TMBIM4: variants seen among roughly 807,000 people sequenced by gnomAD.
TMBIM4 encodes transmembrane BAX inhibitor motif containing 4.
In TMBIM4, 28 loss-of-function variants were observed where a neutral mutation model predicts 27.7. That is an observed-to-expected ratio of 1.01 (90% CI 0.75 to 1.38). TMBIM4 has a LOEUF of 1.38. Among genes scored for constraint, TMBIM4 ranks in the 40% most tolerant of loss-of-function variants. The pLI is 0.00. For synonymous variants in TMBIM4, 115 were observed against 113.1 expected (o/e 1.02, Z -0.11); for missense variants, 265 against 277.5 (o/e 0.95, Z 0.32).
rs2052209918 is a variant in TMBIM4 at position 66,169,963 on chromosome 12, C to T, written c.-12G>A. ...TCGGGGTCAGCCATGATGGCAACAG[C>T]ACCCCTACCGGTCCCGGTCCACTAA... On this transcript the variant is annotated 5_prime_UTR_variant, in exon 1 of 7. Coordinates refer to ENST00000358230, the MANE Select transcript of TMBIM4 (RefSeq NM_016056.4). 1.4e-6 allele frequency: 2 copies of T among 1,480,500 alleles called. No homozygotes were observed. The highest frequency in any genetic ancestry group is 1.5e-5 in the African/African-American group (1 of 67,922). The allele number at this position is 1,480,500 out of a possible 1,614,324, so 91.7% of individuals were successfully genotyped here.
intron 5 of TMBIM4, among the ~76,000 whole-genome samples, chr12:66,139,306 A>G (rs1184556): frequency 0.51 from 78,103 of 152,048 alleles, 21,501 homozygotes; most frequent in East Asian, 0.85. Context: ...TAAATTATAT[A>G]AGAAAGGACA....
chr12:66,158,134 G>C (rs946435286), intron 1 of TMBIM4, among the ~76,000 whole-genome samples: 14 of 150,670 alleles, frequency 9.3e-5, no homozygotes, highest in African/African-American at 3.4e-4. Flanking sequence ...GCTGAGGCAG[G>C]AGAATGGCAT....
intron 3 of TMBIM4, 32 bp from the exon 4 acceptor site, chr12:66,147,973 A>G (rs2136858128): frequency 6.3e-7 from 1 of 1,588,732 alleles, no homozygotes; most frequent in East Asian, 2.2e-5. Flanking sequence ...TAGTGACTGT[A>G]AAATTTATAC....
At chr12:66,147,878 A>G (rs924373053) in intron 4 of TMBIM4, 30 bp downstream of exon 4, 2 of 1,594,462 alleles carry the variant, frequency 1.3e-6, no homozygotes, top group Non-Finnish European at 8.6e-7. Flanking sequence ...AAAAGTTATT[A>G]TAACATATAG....
At chr12:66,166,887 C>A (rs545162273) in intron 1 of TMBIM4, among the ~76,000 whole-genome samples, 1 of 152,276 alleles carries the variant, frequency 6.6e-6, no homozygotes, top group Admixed American at 6.5e-5. Flanking sequence ...TGGAAGCAGG[C>A]AAGATTTCCT....
At chr12:66,143,885 A>G (rs541476489) in intron 5 of TMBIM4, among the ~76,000 whole-genome samples, 7 of 152,278 alleles carry the variant, frequency 4.6e-5, no homozygotes, top group Middle Eastern at 3.4e-3. Context: ...TAGTGCCATT[A>G]AGTTTTATTT....
At chr12:66,162,548 G>C (rs2052060164) in intron 1 of TMBIM4, among the ~76,000 whole-genome samples, 1 of 152,158 alleles carries the variant, frequency 6.6e-6, no homozygotes, top group Non-Finnish European at 1.5e-5. Flanking sequence ...AAACTCATTT[G>C]GGGTGAATAG....
At chr12:66,143,678 C>G (rs2051705339) in intron 5 of TMBIM4, among the ~76,000 whole-genome samples, 1 of 152,172 alleles carries the variant, frequency 6.6e-6, no homozygotes, top group Admixed American at 6.5e-5. Flanking sequence ...AGCACTGCCA[C>G]CATTGCCTGA....
chr12:66,160,024 C>A, intron 1 of TMBIM4: 1 of 564,362 alleles, frequency 1.8e-6, no homozygotes. Context: ...AGCCAGCCCA[C>A]TACCTGGTTT....
chr12:66,149,400 G>A (rs911352288), intron 3 of TMBIM4, among the ~76,000 whole-genome samples: 1 of 144,030 alleles, frequency 6.9e-6, no homozygotes, highest in Non-Finnish European at 1.5e-5. Flanking sequence ...AGCCAAGTTC[G>A]TGCCACTGCA....
At chr12:66,153,011 G>A (rs1283855607) in intron 2 of TMBIM4, among the ~76,000 whole-genome samples, 1 of 151,996 alleles carries the variant, frequency 6.6e-6, no homozygotes, top group Non-Finnish European at 1.5e-5. Flanking sequence ...TATTTTTCAA[G>A]TACTGTCTTA....
At chr12:66,147,281 G>A (rs1341416283) in intron 4 of TMBIM4, among the ~76,000 whole-genome samples, 1 of 152,108 alleles carries the variant, frequency 6.6e-6, no homozygotes, top group Non-Finnish European at 1.5e-5. Flanking sequence ...TGCTATTATG[G>A]AGAGTAATAA....
At position 66,155,864 on chromosome 12, in the gene TMBIM4, G is replaced by A. The variant is rs563589255; in HGVS notation, c.98-2416C>T. On this transcript the variant is annotated intron_variant, in intron 1 of 6. Transcript: ENST00000358230. ...TAGAATAATATACATCCAGGTGTTC[G>A]TATACCCTGGGCAGTAGTACTAAGG... Among the ~76,000 whole-genome samples the A allele has an allele frequency of 7.9e-5, 12 of 152,256 alleles. No individual in the cohort carries two copies. The East Asian group carries it at 1.5e-3, about 20-fold the overall frequency.
At chr12:66,144,207 G>T (rs1024577106) in intron 5 of TMBIM4, among the ~76,000 whole-genome samples, 3 of 152,070 alleles carry the variant, frequency 2.0e-5, no homozygotes, top group East Asian at 3.9e-4. Context: ...AGGCAATTTT[G>T]AAAGGGTTCC....
Position 66,156,096 on chromosome 12 carries a change from C to T in TMBIM4, c.98-2648G>A, listed in dbSNP as rs141552236. Among the ~76,000 whole-genome samples the T allele has an allele frequency of 2.6e-5, 4 of 152,290 alleles. No homozygotes were observed. The East Asian group carries it at 7.7e-4, about 29-fold the overall frequency. ...AAATCCCAGGCAAAAGCAGTATTGA[C>T]ACCCATTGTGAATAATATAAAAAGT... On this transcript the variant is annotated intron_variant, in intron 1 of 6. Coordinates refer to ENST00000358230, the MANE Select transcript of TMBIM4 (RefSeq NM_016056.4).
At position 66,146,236 on chromosome 12, in the gene TMBIM4, T is replaced by C. The variant is rs1402162488; in HGVS notation, c.347-278A>G. Among the ~76,000 whole-genome samples, 3 of 152,178 alleles carry C rather than the reference T, an allele frequency of 2.0e-5. No individual in the cohort carries two copies. The East Asian group carries it at 5.8e-4, about 29-fold the overall frequency. The stretch of plus-strand genomic sequence containing the variant: ...GAGAGCTATCACGCCTGTAGCCAGT[T>C]TGGAGTTCTACAGGTATGGGAGTGA... On this transcript the variant is annotated intron_variant, in intron 4 of 6. Transcript: ENST00000358230.
rs1452413029 is a variant in TMBIM4, at chr12:66,169,946, A to T, written c.6T>A (p.Ala2=). The T allele has an allele frequency of 4.0e-6, 6 of 1,495,812 alleles. No individual in the cohort carries two copies. The highest frequency in any genetic ancestry group is 5.3e-6 in the Non-Finnish European group (6 of 1,124,464). 92.7% of individuals were successfully genotyped at this position (1,495,812 alleles called of 1,614,324 possible). A position where few individuals can be genotyped will look rare whatever the true frequency, so the allele number is the denominator to read the frequency against. M[A]DPDPRYPRSS... ...AGCGAGGGTACCGGGGGTCGGGGTCAGCCATGATGGCAACAGCACCCCTAC... is the reference window on the plus strand; with the variant it reads ...AGCGAGGGTACCGGGGGTCGGGGTCTGCCATGATGGCAACAGCACCCCTAC... Residue 2 remains alanine, a synonymous_variant, in exon 1 of 7, where the codon GCT becomes GCA. Coordinates refer to ENST00000358230, the MANE Select transcript of TMBIM4 (RefSeq NM_016056.4).
Position 66,145,029 on chromosome 12 carries a change from T to C in TMBIM4, c.464+812A>G, listed in dbSNP as rs113199299. 6.3e-3 allele frequency among the ~76,000 whole-genome samples: 952 copies of C among 152,222 alleles called. 11 individuals carry two copies. The highest frequency in any genetic ancestry group is 0.02 in the African/African-American group (845 of 41,550). ...ATCATATATGCCACACAAATATGTA[T>C]GAAACATCCTTCCAAAGAAGGAAAA... On this transcript the variant is annotated intron_variant, in intron 5 of 6. Transcript: ENST00000358230.
At chr12:66,157,207 G>GGC (rs2051951135) in intron 1 of TMBIM4, among the ~76,000 whole-genome samples, 1 of 152,064 alleles carries the variant, frequency 6.6e-6, no homozygotes, top group Non-Finnish European at 1.5e-5. Context: ...CATTAAGAAT[G>GGC]CATACTCAGG....
Sources: allele counts gnomAD v4.1 joint callset (sites outside exome capture counted in the v4.1 genomes callset), GRCh38; gene constraint gnomAD v4.1.1; transcripts MANE v1.5; gene names NCBI Gene and HGNC (gene_info 2026-07-23, HGNC 2026-07-21).